The following ARK2C variants were observed in gnomAD, a reference collection of about 807,000 sequenced individuals.
The protein encoded by ARK2C is E3 ubiquitin-protein ligase ARK2C.
the ARK2C span, among the ~76,000 whole-genome samples, chr18:46,375,763 G>A: frequency 2.0e-5 from 3 of 152,030 alleles, no homozygotes; most frequent in Admixed American, 6.6e-5. Context: ...TGAGGTGGGA[G>A]CAGCACATAG....
chr18:46,358,245 C>A, the ARK2C span, among the ~76,000 whole-genome samples: 1 of 152,126 alleles, frequency 6.6e-6, no homozygotes, highest in African/African-American at 2.4e-5. Context: ...GCATGTTTTG[C>A]GCAGGCTGGG....
At chr18:46,453,064 C>G in the ARK2C span, among the ~76,000 whole-genome samples, 3 of 152,164 alleles carry the variant, frequency 2.0e-5, no homozygotes, top group African/African-American at 7.2e-5. Context: ...GATGCTTTTC[C>G]CTAACCCATG....
At chr18:46,411,315 G>C in the ARK2C span, among the ~76,000 whole-genome samples, 1 of 152,188 alleles carries the variant, frequency 6.6e-6, no homozygotes, top group Non-Finnish European at 1.5e-5. Context: ...GGTGGCATTG[G>C]CTGGAGAAAG....
the ARK2C span, among the ~76,000 whole-genome samples, chr18:46,420,788 T>C: frequency 1.3e-5 from 2 of 151,890 alleles, no homozygotes; most frequent in Admixed American, 6.6e-5. Context: ...GAGGTTGCAG[T>C]GAGCCTAGAT....
chr18:46,390,947 A>G, the ARK2C span, among the ~76,000 whole-genome samples: 2 of 152,164 alleles, frequency 1.3e-5, no homozygotes, highest in African/African-American at 4.8e-5. Flanking sequence ...ATTGACCTGC[A>G]CCTCTACCAT....
chr18:46,393,095 G>C, the ARK2C span, among the ~76,000 whole-genome samples: 1 of 152,214 alleles, frequency 6.6e-6, no homozygotes, highest in Non-Finnish European at 1.5e-5. Flanking sequence ...AATGTGAGGA[G>C]TCACTTCCTG....
chr18:46,388,949 A>C, the ARK2C span, among the ~76,000 whole-genome samples: 1 of 152,066 alleles, frequency 6.6e-6, no homozygotes, highest in Non-Finnish European at 1.5e-5. Flanking sequence ...CATGTACTTA[A>C]CTCTGTGGCT....
chr18:46,383,787 G>A, the ARK2C span, among the ~76,000 whole-genome samples: 7 of 152,050 alleles, frequency 4.6e-5, no homozygotes, highest in African/African-American at 1.2e-4. Flanking sequence ...ATCTGACCTC[G>A]TGATCCGCCC....
At chr18:46,408,590 G>C in the ARK2C span, among the ~76,000 whole-genome samples, 8 of 152,228 alleles carry the variant, frequency 5.3e-5, no homozygotes, top group African/African-American at 1.9e-4. Flanking sequence ...CACATCATGG[G>C]AACTGTGGGG....
At chr18:46,424,759 T>C in the ARK2C span, among the ~76,000 whole-genome samples, 3 of 152,164 alleles carry the variant, frequency 2.0e-5, no homozygotes, top group Non-Finnish European at 2.9e-5. Context: ...GAGAAGTCCA[T>C]GGGGCTGTCC....
the ARK2C span, among the ~76,000 whole-genome samples, chr18:46,375,553 C>CTAA: frequency 3.1e-3 from 432 of 137,866 alleles, 1 homozygote; most frequent in East Asian, 6.0e-3. Flanking sequence ...GACTCTGTCT[C>CTAA]TAATAATAAT....
the ARK2C span, among the ~76,000 whole-genome samples, chr18:46,405,257 G>A: frequency 6.6e-6 from 1 of 152,116 alleles, no homozygotes; most frequent in Non-Finnish European, 1.5e-5. Context: ...CAGCTCTGAG[G>A]GCTCCCCAGA....
chr18:46,381,515 C>G, the ARK2C span, among the ~76,000 whole-genome samples: 1 of 152,096 alleles, frequency 6.6e-6, no homozygotes. Context: ...AGAGAAGCCT[C>G]CTGGAGGGAA....
the ARK2C span, among the ~76,000 whole-genome samples, chr18:46,379,754 A>G: frequency 6.6e-6 from 1 of 152,228 alleles, no homozygotes; most frequent in African/African-American, 2.4e-5. Context: ...ATGTGACTTC[A>G]GGACCACAGA....
the ARK2C span, among the ~76,000 whole-genome samples, chr18:46,351,437 C>G: frequency 6.6e-6 from 1 of 152,096 alleles, no homozygotes; most frequent in East Asian, 1.9e-4. Context: ...AAATAATAGA[C>G]CTGGAGCAAA....
At chr18:46,344,240 G>A in the ARK2C span, among the ~76,000 whole-genome samples, 1 of 152,208 alleles carries the variant, frequency 6.6e-6, no homozygotes, top group East Asian at 1.9e-4. Flanking sequence ...GGGAGGAAGT[G>A]AGAATTCAGT....
the ARK2C span, among the ~76,000 whole-genome samples, chr18:46,442,500 T>G: frequency 6.6e-6 from 1 of 152,182 alleles, no homozygotes; most frequent in Non-Finnish European, 1.5e-5. Context: ...TTAATACCAG[T>G]GTGATCAGAA....
chr18:46,425,988 C>T, the ARK2C span, among the ~76,000 whole-genome samples: 19 of 152,050 alleles, frequency 1.2e-4, 1 homozygote, highest in African/African-American at 4.6e-4. Context: ...AGCAGCAAGC[C>T]GGCTCTTTGG....
the ARK2C span, chr18:46,461,902 C>T: frequency 1.2e-4 from 19 of 152,234 alleles, no homozygotes; most frequent in African/African-American, 4.6e-4. Context: ...AAATCCATGT[C>T]TTGTTAGAGA....
Sources: allele counts gnomAD v4.1 joint callset (sites outside exome capture counted in the v4.1 genomes callset), GRCh38; gene constraint gnomAD v4.1.1; transcripts MANE v1.5; gene names NCBI Gene and HGNC (gene_info 2026-07-23, HGNC 2026-07-21).